Variants in MSANTD2 observed in about 807,000 individuals in gnomAD.
MSANTD2 encodes the protein myb/SANT-like DNA-binding domain-containing protein 2.
MSANTD2 carries 19 observed loss-of-function variants against 52.6 expected under a neutral mutation model. That is an observed-to-expected ratio of 0.36 (90% CI 0.25 to 0.53). The LOEUF is 0.53. MSANTD2 is among the 20% of genes least tolerant of loss of function. MSANTD2 has a pLI of 0.91. For missense variants in MSANTD2, 558 were observed against 716.3 expected (o/e 0.78, Z 2.52); for synonymous variants, 291 against 289.7 (o/e 1.00, Z -0.04).
chr11:124,790,293 C>A (rs1945291046), intron 1 of MSANTD2: 1 of 152,220 alleles, frequency 6.6e-6, no homozygotes, highest in Non-Finnish European at 1.5e-5. Context: ...AGAGGAAATA[C>A]AGACAGGACT....
chr11:124,786,092 CTTCT>C (rs1156653943), intron 1 of MSANTD2, among the ~76,000 whole-genome samples: 3 of 121,984 alleles, frequency 2.5e-5, no homozygotes, highest in Admixed American at 8.2e-5. Flanking sequence ...TGCATCATTT[CTTCT>C]TTTTTTTTTT....
rs775526671 is a variant in MSANTD2, at chr11:124,800,111, CCCGCCACCG to C, written c.261_269del (p.Gly88_Gly90del). On this transcript the variant is annotated inframe_deletion, in exon 1 of 4. Transcript: ENST00000374979. This position sits in a 1 kb window ranked among gnomAD's most constrained non-coding sequence, Gnocchi z 4.3. ...AGGCGGCGGCGGCGGCTGCCGCAGC[CCCGCCACCG>C]CCGCCACCAGGGGAGAAGGAGACCG... The C allele has an allele frequency of 4.0e-6, 6 of 1,483,108 alleles. No homozygotes were observed. Among genetic ancestry groups the C allele is most frequent in the Non-Finnish European group, 5.3e-6 (6 of 1,126,530 alleles). 91.9% of individuals were successfully genotyped at this position (1,483,108 alleles called of 1,614,324 possible). A position where few individuals can be genotyped will look rare whatever the true frequency, so the allele number is the denominator to read the frequency against.
At position 124,775,082 on chromosome 11, in the gene MSANTD2, C is replaced by T. The variant is rs544861921; in HGVS notation, c.511-108G>A. 503 of 928,236 alleles carry T rather than the reference C, an allele frequency of 5.4e-4. 1 individual carries two copies. The highest frequency in any genetic ancestry group is 1.8e-3 in the South Asian group (84 of 45,902). The allele number at this position is 928,236 out of a possible 1,614,324, so 57.5% of individuals were successfully genotyped here. A position where few individuals can be genotyped will look rare whatever the true frequency, so the allele number is the denominator to read the frequency against. On this transcript the variant is annotated intron_variant, in intron 1 of 3. Coordinates refer to ENST00000374979, the MANE Select transcript of MSANTD2 (RefSeq NM_001308027.2). ...ACAGACACAGACAGACAAACATAGA[C>T]ACATTGTTACAGGAATGCTAGATTT...
At chr11:124,780,633 C>T (rs1022401948) in intron 1 of MSANTD2, among the ~76,000 whole-genome samples, 4 of 152,162 alleles carry the variant, frequency 2.6e-5, no homozygotes, top group African/African-American at 9.7e-5. Context: ...CATACAAGAA[C>T]GTCGTTAAAA....
At chr11:124,796,992 A>G (rs1209605096) in intron 1 of MSANTD2, among the ~76,000 whole-genome samples, 1 of 152,190 alleles carries the variant, frequency 6.6e-6, no homozygotes, top group Non-Finnish European at 1.5e-5. Flanking sequence ...TCCACTTCAT[A>G]ATTGTGTAGG....
intron 1 of MSANTD2, among the ~76,000 whole-genome samples, chr11:124,793,025 G>A (rs1252796320): frequency 6.6e-6 from 1 of 152,188 alleles, no homozygotes; most frequent in Non-Finnish European, 1.5e-5. Flanking sequence ...AAAAGATACT[G>A]AGTTCTAAAG....
At chr11:124,799,726 G>C in intron 1 of MSANTD2, 145 bp downstream of exon 1, 1 of 598,710 alleles carries the variant, frequency 1.7e-6, no homozygotes, top group South Asian at 2.1e-5. Context: ...TTCCCAGGGA[G>C]AGAAGAAAAA....
chr11:124,799,721 A>G (rs754614979), intron 1 of MSANTD2, 150 bp downstream of exon 1: 1 of 593,866 alleles, frequency 1.7e-6, no homozygotes, highest in Non-Finnish European at 2.8e-6. Flanking sequence ...CCCCCTTCCC[A>G]GGGAGAGAAG....
Position 124,767,471 on chromosome 11 carries a change from G to A in MSANTD2, c.1385C>T (p.Ser462Leu). Residue 462 changes from serine to leucine, a missense_variant, in exon 4 of 4, where the codon TCA becomes TTA. Physicochemically the swap from Ser to Leu is moderately radical, Grantham distance 145. Transcript: ENST00000374979. This position sits in a 1 kb window ranked among gnomAD's most constrained non-coding sequence, Gnocchi z 6.5. ...VDLETLSAQASLQVEIEPTRI... is the reference protein window; with the variant it reads ...VDLETLSAQALLQVEIEPTRI... ...GGTGGGTTCTATTTCCACCTGTAAT[G>A]AGGCTTGTGCTGAAAGGGTTTCCAG... 1 of 1,614,208 alleles carries A rather than the reference G, an allele frequency of 6.2e-7. No individual in the cohort carries two copies. The highest frequency in any genetic ancestry group is 2.2e-5 in the East Asian group (1 of 44,888).
At chr11:124,786,034 A>G (rs1945146943) in intron 1 of MSANTD2, among the ~76,000 whole-genome samples, 1 of 150,976 alleles carries the variant, frequency 6.6e-6, no homozygotes, top group Non-Finnish European at 1.5e-5. Flanking sequence ...GCTCATTTTA[A>G]TATTTAGTTT....
intron 1 of MSANTD2, 144 bp downstream of exon 1, chr11:124,799,727 A>G (rs1945624098): frequency 1.7e-5 from 10 of 595,578 alleles, no homozygotes. Flanking sequence ...TCCCAGGGAG[A>G]GAAGAAAAAG....
At chr11:124,793,465 G>A (rs1945395250) in intron 1 of MSANTD2, among the ~76,000 whole-genome samples, 1 of 152,102 alleles carries the variant, frequency 6.6e-6, no homozygotes, top group Non-Finnish European at 1.5e-5. Context: ...AAGCCTTTTG[G>A]GAGTACACAA....
chr11:124,783,568 TGA>T (rs201568980), intron 1 of MSANTD2: 6,407 of 251,448 alleles, frequency 0.025, 103 homozygotes, highest in Non-Finnish European at 0.034. Context: ...TGCAGTGAGC[TGA>T]GACTGTGCCA....
chr11:124,790,754 A>G (rs535919754), intron 1 of MSANTD2: 1 of 157,198 alleles, frequency 6.4e-6, no homozygotes, highest in Non-Finnish European at 1.4e-5. Context: ...GTATCACCTG[A>G]CCTCTTGTTT....
chr11:124,775,184 G>A lies in MSANTD2; in HGVS notation c.511-210C>T, dbSNP rs559106511. On this transcript the variant is annotated intron_variant, in intron 1 of 3. Transcript: ENST00000374979. Reference sequence around the variant, plus strand: ...ATGTTATAATTAAAACAATTATTTTGCAATTAATTATCCATTAAACAACAA... The same window carrying A: ...ATGTTATAATTAAAACAATTATTTTACAATTAATTATCCATTAAACAACAA... 53 of 505,032 alleles carry A rather than the reference G, an allele frequency of 1.0e-4. No homozygotes were observed. The South Asian group carries it at 1.1e-3, about 10-fold the overall frequency. The allele number at this position is 505,032 out of a possible 1,614,324, so 31.3% of individuals were successfully genotyped here.
chr11:124,800,003 G>A lies in MSANTD2; in HGVS notation c.378C>T (p.Tyr126=), dbSNP rs778214149. 23 of 1,582,978 alleles carry A rather than the reference G, an allele frequency of 1.5e-5. No individual in the cohort carries two copies. The highest frequency in any genetic ancestry group is 1.8e-5 in the Non-Finnish European group (21 of 1,174,160). Residue 126 remains tyrosine, a synonymous_variant, in exon 1 of 4, where the codon TAC becomes TAT. Transcript: ENST00000374979. This position sits in a 1 kb window ranked among gnomAD's most constrained non-coding sequence, Gnocchi z 4.3. ...WGNERLVEAR[Y]QQLEGAGTVF... ...CCGTGCCGGCTCCCTCCAGCTGCTG[G>A]TACCGCGCCTCCACCAGCCGCTCGT...
chr11:124,786,456 T>C (rs1945165690), intron 1 of MSANTD2, among the ~76,000 whole-genome samples: 1 of 152,214 alleles, frequency 6.6e-6, no homozygotes, highest in Admixed American at 6.5e-5. Flanking sequence ...GAACATTCCA[T>C]AGCCTCCTTT....
intron 1 of MSANTD2, among the ~76,000 whole-genome samples, chr11:124,781,027 AC>A (rs1944945240): frequency 1.3e-5 from 2 of 152,232 alleles, no homozygotes; most frequent in East Asian, 3.9e-4. Context: ...TACTAAAAAG[AC>A]AAAAATCAGC....
chr11:124,772,737 C>T (rs897589181), intron 3 of MSANTD2, among the ~76,000 whole-genome samples: 4 of 101,414 alleles, frequency 3.9e-5, no homozygotes, highest in Admixed American at 1.2e-4. Context: ...AGCGAGATTC[C>T]GTCTCAAAAA....
Sources: allele counts gnomAD v4.1 joint callset (sites outside exome capture counted in the v4.1 genomes callset), GRCh38; gene constraint gnomAD v4.1.1; non-coding constraint Gnocchi (gnomAD v3.1); transcripts MANE v1.5; gene names NCBI Gene and HGNC (gene_info 2026-07-23, HGNC 2026-07-21).